FAM76A: variants seen among roughly 807,000 people sequenced by gnomAD.
The protein encoded by FAM76A is family with sequence similarity 76 member A, also known as protein FAM76A.
Under a neutral mutation model 46.2 loss-of-function variants are expected in FAM76A, and 32 were observed. That is an observed-to-expected ratio of 0.69 (90% confidence interval 0.52 to 0.93). The LOEUF (loss-of-function observed/expected upper bound fraction) is 0.93. FAM76A is among the 40% of genes least tolerant of loss of function. The pLI, the probability that FAM76A is intolerant of heterozygous loss-of-function variation, is 0.00. For synonymous variants in FAM76A, 137 were observed against 127.0 expected (o/e 1.08, Z -0.53); for missense variants, 274 against 361.5 (o/e 0.76, Z 1.96).
intron 4 of FAM76A, among the ~76,000 whole-genome samples, chr1:27,735,880 A>T (rs11247670): frequency 0.17 from 26,406 of 152,214 alleles, 6,065 homozygotes; most frequent in African/African-American, 0.52. Context: ...TATTACTGAT[A>T]GGAATAGTTC....
At chr1:27,726,970 T>C (rs1241992159) in intron 1 of FAM76A, among the ~76,000 whole-genome samples, 2 of 152,194 alleles carry the variant, frequency 1.3e-5, no homozygotes, top group Non-Finnish European at 2.9e-5. Flanking sequence ...GGATAACTCA[T>C]AATTGTCACT....
At position 27,725,975 on chromosome 1, in the gene FAM76A, G is replaced by T; in HGVS notation, c.-106G>T. 5.5e-6 allele frequency: 5 copies of T among 901,042 alleles called. No individual in the cohort carries two copies. The highest frequency in any genetic ancestry group is 5.5e-5 in the South Asian group (1 of 18,100). 55.8% of individuals were successfully genotyped at this position (901,042 alleles called of 1,614,324 possible). A position where few individuals can be genotyped will look rare whatever the true frequency, so the allele number is the denominator to read the frequency against. On this transcript the variant is annotated 5_prime_UTR_variant, in exon 1 of 9. Coordinates refer to ENST00000373954, the MANE Select transcript of FAM76A (RefSeq NM_152660.3). Reference sequence around the variant, plus strand: ...CGCCCCGACCCGCCTGCGCCCGCCCGCCTGCCGCAGCCAGCAGCCTGCAGC... The same window carrying T: ...CGCCCCGACCCGCCTGCGCCCGCCCTCCTGCCGCAGCCAGCAGCCTGCAGC...
intron 5 of FAM76A, among the ~76,000 whole-genome samples, chr1:27,748,359 C>T (rs950861566): frequency 4.6e-5 from 7 of 151,428 alleles, no homozygotes; most frequent in African/African-American, 1.2e-4. Context: ...CTCCTGACCT[C>T]GTGATCCATC....
At position 27,742,936 on chromosome 1, in the gene FAM76A, G is replaced by A. The variant is rs146951825; in HGVS notation, c.355-1718G>A. 4.5e-3 allele frequency among the ~76,000 whole-genome samples: 691 copies of A among 152,080 alleles called. 10 individuals are homozygous for A. The highest frequency in any genetic ancestry group is 0.016 in the African/African-American group (654 of 41,496). ...AAATTAGCTGGGTGTGATGGCAGGC[G>A]CTTGTAATCCCAGCTACTTGGGAGG... On this transcript the variant is annotated intron_variant, in intron 4 of 8. Coordinates refer to ENST00000373954, the MANE Select transcript of FAM76A (RefSeq NM_152660.3).
At chr1:27,735,219 A>G (rs1208891310) in intron 4 of FAM76A, among the ~76,000 whole-genome samples, 1 of 152,212 alleles carries the variant, frequency 6.6e-6, no homozygotes, top group Non-Finnish European at 1.5e-5. Flanking sequence ...GTTTCAGCTC[A>G]GGTACCACCT....
In FAM76A at chr1:27,726,028, A is replaced by G; in HGVS notation, c.-53A>G. On this transcript the variant is annotated 5_prime_UTR_variant, in exon 1 of 9. Coordinates refer to ENST00000373954, the MANE Select transcript of FAM76A (RefSeq NM_152660.3). ...CCGCCGGGTTGTGCCTCAGACTGTC[A>G]GATAAATCGGCGGGCCGGGCCGGCG... The G allele has an allele frequency of 8.0e-7, 1 of 1,243,628 alleles. No individual in the cohort carries two copies. Among genetic ancestry groups the G allele is most frequent in the Non-Finnish European group, 1.0e-6 (1 of 987,334 alleles). The allele number at this position is 1,243,628 out of a possible 1,614,324, so 77.0% of individuals were successfully genotyped here.
At chr1:27,728,352 C>A (rs1409585053) in intron 2 of FAM76A, among the ~76,000 whole-genome samples, 1 of 151,696 alleles carries the variant, frequency 6.6e-6, no homozygotes, top group Non-Finnish European at 1.5e-5. Context: ...TTTCCTTGGG[C>A]AAATCTCTTT....
At chr1:27,755,723 G>C (rs1005284458) in intron 7 of FAM76A, among the ~76,000 whole-genome samples, 3 of 152,098 alleles carry the variant, frequency 2.0e-5, no homozygotes, top group Admixed American at 6.6e-5. Flanking sequence ...ACAGGCATGT[G>C]CCACTGTACC....
At position 27,755,219 on chromosome 1, in the gene FAM76A, C is replaced by T; in HGVS notation, c.624C>T (p.Asp208=). The change falls in exon 7 of 9, where the codon GAC becomes GAT. Residue 208 remains aspartate (D), a synonymous_variant. Coordinates refer to ENST00000373954, the MANE Select transcript of FAM76A (RefSeq NM_152660.3). ...GCTTCTCCCCAGACCTGGCTCTGGA[C>T]TCACCAGGCACTGACCACTTTGTCA... ...GDSFSPDLAL[D]SPGTDHFVII... 6.2e-7 allele frequency: 1 copy of T among 1,614,180 alleles called. No individual in the cohort carries two copies. The highest frequency in any genetic ancestry group is 8.5e-7 in the Non-Finnish European group (1 of 1,180,026).
intron 4 of FAM76A, chr1:27,739,136 G>A (rs770841565): frequency 1.1e-4 from 38 of 361,686 alleles, no homozygotes; most frequent in Non-Finnish European, 1.1e-4. Flanking sequence ...CCTGGGCTGT[G>A]GAACGCCACA....
At chr1:27,738,698 A>G (rs555089902) in intron 4 of FAM76A, among the ~76,000 whole-genome samples, 1 of 152,202 alleles carries the variant, frequency 6.6e-6, no homozygotes. Context: ...GCTTACATTT[A>G]TGTGTGTGAA....
intron 4 of FAM76A, among the ~76,000 whole-genome samples, chr1:27,736,687 A>T (rs950058826): frequency 6.6e-6 from 1 of 152,140 alleles, no homozygotes; most frequent in African/African-American, 2.4e-5. Context: ...TCCCAGGTTC[A>T]AGTGATTCTC....
intron 6 of FAM76A, among the ~76,000 whole-genome samples, chr1:27,751,498 CTT>C (rs575176298): frequency 3.8e-5 from 5 of 131,004 alleles, no homozygotes; most frequent in African/African-American, 1.4e-4. Context: ...CTACCCATTT[CTT>C]TTTTTTTTTT....
intron 7 of FAM76A, among the ~76,000 whole-genome samples, chr1:27,757,942 A>G (rs1195557274): frequency 2.0e-5 from 3 of 150,604 alleles, no homozygotes; most frequent in Admixed American, 6.6e-5. Context: ...GTGCCACTGC[A>G]CTCCAGCCTG....
chr1:27,737,307 GATCTATGTGCAATTTTTATATTC>G (rs1407609401), intron 4 of FAM76A, among the ~76,000 whole-genome samples: 1 of 152,128 alleles, frequency 6.6e-6, no homozygotes, highest in Non-Finnish European at 1.5e-5. Context: ...ATGTCTTGTG[GATCTATGTGCAATTTTTATATTC>G]ATTGTTTGTT....
chr1:27,731,715 C>T (rs2087960886), intron 2 of FAM76A, among the ~76,000 whole-genome samples: 1 of 151,970 alleles, frequency 6.6e-6, no homozygotes, highest in Admixed American at 6.6e-5. Flanking sequence ...TCCTGCTAGT[C>T]CATTTTAGTA....
rs553053667 is a variant in FAM76A at position 27,755,058 on chromosome 1, A to G, written c.600-137A>G. Reference sequence around the variant, plus strand: ...CTCAGCAAGTGCCGTTGAGCCCAGCATGTGTGGTGCAATGTGCTTGATGCT... The same window carrying G: ...CTCAGCAAGTGCCGTTGAGCCCAGCGTGTGTGGTGCAATGTGCTTGATGCT... On this transcript the variant is annotated intron_variant, in intron 6 of 8. Transcript: ENST00000373954. The G allele has an allele frequency of 1.5e-5, 14 of 912,238 alleles. No homozygotes were observed. In the South Asian group the frequency reaches 1.6e-4, roughly 11 times the overall value. 56.5% of individuals were successfully genotyped at this position (912,238 alleles called of 1,614,324 possible). A position where few individuals can be genotyped will look rare whatever the true frequency, so the allele number is the denominator to read the frequency against.
intron 6 of FAM76A, among the ~76,000 whole-genome samples, chr1:27,751,704 G>A (rs961470462): frequency 9.9e-5 from 15 of 151,782 alleles, no homozygotes; most frequent in Admixed American, 3.3e-4. Flanking sequence ...GTTTCACTAT[G>A]TTACTCAGGC....
rs1480437814 is a variant in FAM76A at position 27,732,943 on chromosome 1, T to G, written c.201+286T>G. Among the ~76,000 whole-genome samples, 4 of 151,736 alleles carry G rather than the reference T, an allele frequency of 2.6e-5. No individual in the cohort carries two copies. In the South Asian group the frequency reaches 6.2e-4, roughly 24 times the overall value. ...GAAATTTTTTGTTTTTGTTTTTGTT[T>G]TTTTTTTTTTGTGACTGAGTCTTGG... On this transcript the variant is annotated intron_variant, in intron 3 of 8. Coordinates refer to ENST00000373954, the MANE Select transcript of FAM76A (RefSeq NM_152660.3).
Sources: allele counts gnomAD v4.1 joint callset (sites outside exome capture counted in the v4.1 genomes callset), GRCh38; gene constraint gnomAD v4.1.1; transcripts MANE v1.5; gene names NCBI Gene and HGNC (gene_info 2026-07-23, HGNC 2026-07-21).